Variants in AMMECR1L observed in about 807,000 individuals in gnomAD.
AMMECR1L encodes the protein AMMECR1-like protein.
In AMMECR1L, 4 loss-of-function variants were observed where a neutral mutation model predicts 36.8. The ratio of observed to expected loss-of-function variants is 0.11; its 90% CI spans 0.05 to 0.25. The LOEUF (loss-of-function observed/expected upper bound fraction) is 0.25, where lower values mean the gene tolerates loss of function less well. AMMECR1L is among the 10% of genes least tolerant of loss of function. The pLI is 1.00. For missense variants in AMMECR1L, 232 were observed against 392.1 expected (o/e 0.59, Z 3.45); for synonymous variants, 147 against 148.0 (o/e 0.99, Z 0.05).
chr2:127,880,644 G>A (rs1691450819), intron 2 of AMMECR1L, among the ~76,000 whole-genome samples: 1 of 152,082 alleles, frequency 6.6e-6, no homozygotes, highest in African/African-American at 2.4e-5. Flanking sequence ...GCACTGCCCT[G>A]CTATTTGGAG....
At position 127,862,737 on chromosome 2, in the gene AMMECR1L, G is replaced by C. The variant is rs191992324; in HGVS notation, c.*2357C>G. 64 of 152,706 alleles carry C rather than the reference G, an allele frequency of 4.2e-4. No homozygotes were observed. Among genetic ancestry groups the C allele is most frequent in the African/African-American group, 1.5e-3 (61 of 41,556 alleles). 9.5% of individuals were successfully genotyped at this position (152,706 alleles called of 1,614,324 possible). ...AGGCTTCTTCACTCCAAAAACCACT[G>C]AGCCCACTTCAGTGTGGTGCTGGGC... On this transcript the variant is annotated 3_prime_UTR_variant, in exon 8 of 8. Transcript: ENST00000272647.
intron 2 of AMMECR1L, among the ~76,000 whole-genome samples, chr2:127,879,282 A>G (rs1284291644): frequency 6.6e-6 from 1 of 152,120 alleles, no homozygotes; most frequent in East Asian, 1.9e-4. Context: ...TTTAGGACCA[A>G]CCTTTGGTGC....
intron 7 of AMMECR1L, 25 bp downstream of exon 7, chr2:127,866,875 T>C (rs1690710134): frequency 6.2e-7 from 1 of 1,600,976 alleles, no homozygotes; most frequent in African/African-American, 1.3e-5. Flanking sequence ...ATTGAAATGA[T>C]AAGGAAAACA....
chr2:127,874,244 G>A lies in AMMECR1L; in HGVS notation c.-10C>T, dbSNP rs374145656. ...AACGTCTTTTTCCCATCCTGATTCAGTGCTCAAGGTCTGGAATGCTGCAGA... is the reference window on the plus strand; with the variant it reads ...AACGTCTTTTTCCCATCCTGATTCAATGCTCAAGGTCTGGAATGCTGCAGA... On this transcript the variant is annotated 5_prime_UTR_variant, in exon 3 of 8. Transcript: ENST00000272647. This position sits in a 1 kb window ranked among gnomAD's most constrained non-coding sequence, Gnocchi z 5.2. 6.2e-6 allele frequency: 10 copies of A among 1,613,382 alleles called. No individual in the cohort carries two copies. The highest frequency in any genetic ancestry group is 2.7e-5 in the African/African-American group (2 of 74,876).
rs749132361 is a variant in AMMECR1L at position 127,862,282 on chromosome 2, T to C, written c.*2812A>G. The C allele has an allele frequency of 6.5e-6, 1 of 153,810 alleles. No individual in the cohort carries two copies. Among genetic ancestry groups the C allele is most frequent in the Non-Finnish European group, 1.5e-5 (1 of 68,058 alleles). 9.5% of individuals were successfully genotyped at this position (153,810 alleles called of 1,614,324 possible). On this transcript the variant is annotated 3_prime_UTR_variant, in exon 8 of 8. Transcript: ENST00000272647. ...GTCCTTGAAAACAGTGGTTACCTAC[T>C]GTCCAGCTCGAGCAGCCCAAGGACA... is the stretch of plus-strand genomic sequence containing the variant.
intron 2 of AMMECR1L, among the ~76,000 whole-genome samples, chr2:127,881,165 T>C (rs182911009): frequency 3.6e-4 from 55 of 152,082 alleles, no homozygotes; most frequent in African/African-American, 1.3e-3. Context: ...CAATCTAAAC[T>C]GCAGTTGGGA....
intron 2 of AMMECR1L, among the ~76,000 whole-genome samples, chr2:127,877,033 A>ATACATATATATATATATATATATG (rs1196964904): frequency 5.0e-5 from 2 of 40,340 alleles, no homozygotes; most frequent in Non-Finnish European, 8.5e-5. Flanking sequence ...ATATATATAT[A>ATACATATATATATATATATATATG]TACATATATA....
At chr2:127,884,822 T>C (rs1460696185) in intron 1 of AMMECR1L, 1 of 152,240 alleles carries the variant, frequency 6.6e-6, no homozygotes, top group Non-Finnish European at 1.5e-5. Flanking sequence ...TCATCCATCC[T>C]TAGTCTCGAA....
In AMMECR1L at chr2:127,865,591, C is replaced by G. The variant is rs1476628287; in HGVS notation, c.822-386G>C. ...CCCAGTGCAAACTGCACATCTACTTCCAGAGTAAATGTGATACATTTGACA... is the reference window on the plus strand; with the variant it reads ...CCCAGTGCAAACTGCACATCTACTTGCAGAGTAAATGTGATACATTTGACA... On this transcript the variant is annotated intron_variant, in intron 7 of 7. Coordinates refer to ENST00000272647, the MANE Select transcript of AMMECR1L (RefSeq NM_001199140.2). This position sits in a 1 kb window ranked among gnomAD's most constrained non-coding sequence, Gnocchi z 5.4. Among the ~76,000 whole-genome samples, 2 of 152,216 alleles carry G rather than the reference C, an allele frequency of 1.3e-5. No individual in the cohort carries two copies. The highest frequency in any genetic ancestry group is 2.9e-5 in the Non-Finnish European group (2 of 68,040).
rs1690478755 is a variant in AMMECR1L, at chr2:127,861,768, G to C, written c.*3326C>G. ...AAGTCTTTGCACTGAAGGCCATATA[G>C]TCTCTTGCTTCAGGGAAGTAAGAAC... On this transcript the variant is annotated 3_prime_UTR_variant, in exon 8 of 8. Transcript: ENST00000272647. The C allele has an allele frequency of 6.6e-6, 1 of 152,174 alleles. No homozygotes were observed. Among genetic ancestry groups the C allele is most frequent in the Non-Finnish European group, 1.5e-5 (1 of 68,040 alleles). The allele number at this position is 152,174 out of a possible 1,614,324, so 9.4% of individuals were successfully genotyped here.
In AMMECR1L at chr2:127,869,977, G is replaced by C. The variant is rs1227066450; in HGVS notation, c.634-433C>G. On this transcript the variant is annotated intron_variant, in intron 5 of 7. Coordinates refer to ENST00000272647, the MANE Select transcript of AMMECR1L (RefSeq NM_001199140.2). This position sits in a 1 kb window ranked among gnomAD's most constrained non-coding sequence, Gnocchi z 4.7. ...ATTTGGGAGGCCAAGGCCGTCAGGA[G>C]TTTGAGACCAGGCTGGCCAACATGG... Among the ~76,000 whole-genome samples, 1 of 152,330 alleles carries C rather than the reference G, an allele frequency of 6.6e-6. No homozygotes were observed. Among genetic ancestry groups the C allele is most frequent in the South Asian group, 2.1e-4 (1 of 4,828 alleles).
At chr2:127,867,306 G>T (rs1690733280) in intron 6 of AMMECR1L, 2 of 985,294 alleles carry the variant, frequency 2.0e-6, no homozygotes, top group African/African-American at 3.5e-5. Context: ...TTCCAACTTA[G>T]ACCAGCCTAT....
chr2:127,883,298 A>C (rs1691602381), intron 2 of AMMECR1L, among the ~76,000 whole-genome samples: 3 of 151,996 alleles, frequency 2.0e-5, no homozygotes, highest in Admixed American at 2.0e-4. Context: ...GGGTTTCACC[A>C]TGTTGGCCAG....
At position 127,869,503 on chromosome 2, in the gene AMMECR1L, T is replaced by C; in HGVS notation, c.675A>G (p.Lys225=). ...HGIRIEFINE[K]GVKRTATYLP... ...AATATGTGGCTGTGCGTTTGACACCTTTTTCATTAATGAATTCAATTCGAA... is the reference window on the plus strand; with the variant it reads ...AATATGTGGCTGTGCGTTTGACACCCTTTTCATTAATGAATTCAATTCGAA... The change falls in exon 6 of 8, where the codon AAA becomes AAG. Residue 225 remains lysine, a synonymous_variant. Transcript: ENST00000272647. The surrounding 1 kb of genome is among the most constrained non-coding windows in gnomAD (Gnocchi z 4.7). The C allele has an allele frequency of 6.2e-7, 1 of 1,613,348 alleles. No homozygotes were observed. The highest frequency in any genetic ancestry group is 8.5e-7 in the Non-Finnish European group (1 of 1,179,334).
rs76298790 is a variant in AMMECR1L at position 127,877,430 on chromosome 2, G to A, written c.-38-3158C>T. On this transcript the variant is annotated intron_variant, in intron 2 of 7. Coordinates refer to ENST00000272647, the MANE Select transcript of AMMECR1L (RefSeq NM_001199140.2). Reference sequence around the variant, plus strand: ...GGCTCACTGCAACCTCTGCCTCCCAGGTTCAAGCAATTCTCCTTACTTGGC... The same window carrying A: ...GGCTCACTGCAACCTCTGCCTCCCAAGTTCAAGCAATTCTCCTTACTTGGC... 0.013 allele frequency among the ~76,000 whole-genome samples: 1,903 copies of A among 151,874 alleles called. 122 individuals carry two copies. In the East Asian group the frequency reaches 0.14, roughly 11 times the overall value.
chr2:127,873,010 G>A lies in AMMECR1L; in HGVS notation c.407+818C>T. 4.1e-6 allele frequency: 4 copies of A among 985,336 alleles called. No homozygotes were observed. The highest frequency in any genetic ancestry group is 4.8e-6 in the Non-Finnish European group (4 of 829,916). The allele number at this position is 985,336 out of a possible 1,614,324, so 61.0% of individuals were successfully genotyped here. On this transcript the variant is annotated intron_variant, in intron 3 of 7. Transcript: ENST00000272647. The surrounding 1 kb of genome is among the most constrained non-coding windows in gnomAD (Gnocchi z 5.2). ...CCTGACAGGCCTCCCAAGGGAAGAG[G>A]CTCCTTTTCTTCACACCCTCTCCAT... is the stretch of plus-strand genomic sequence containing the variant.
chr2:127,884,944 C>G (rs1417266409), intron 1 of AMMECR1L: 6 of 160,802 alleles, frequency 3.7e-5, no homozygotes, highest in Non-Finnish European at 7.9e-5. Context: ...GTGGGAGAGG[C>G]CCCACCCACT....
intron 2 of AMMECR1L, among the ~76,000 whole-genome samples, chr2:127,882,875 C>A (rs1315997574): frequency 6.6e-6 from 1 of 150,648 alleles, no homozygotes; most frequent in African/African-American, 2.4e-5. Flanking sequence ...TTGGGATTTA[C>A]ACAGGCATGA....
chr2:127,884,869 C>G (rs553340341), intron 1 of AMMECR1L: 1 of 152,414 alleles, frequency 6.6e-6, no homozygotes, highest in African/African-American at 2.4e-5. Context: ...ACTCTCCCCA[C>G]TACTAGAGAA....
Sources: allele counts gnomAD v4.1 joint callset (sites outside exome capture counted in the v4.1 genomes callset), GRCh38; gene constraint gnomAD v4.1.1; non-coding constraint Gnocchi (gnomAD v3.1); transcripts MANE v1.5; gene names NCBI Gene and HGNC (gene_info 2026-07-23, HGNC 2026-07-21).